FUT8: variants seen among roughly 807,000 people sequenced by gnomAD.
The protein encoded by FUT8 is alpha-(1,6)-fucosyltransferase.
Under a neutral mutation model 71.3 loss-of-function variants are expected in FUT8, and 29 were observed. The observed-to-expected ratio is 0.41, with a 90% CI of 0.30 to 0.55. The LOEUF (loss-of-function observed/expected upper bound fraction) is 0.55. Ranked by LOEUF, FUT8 falls within the 20% of genes least tolerant of loss-of-function variation. The probability of loss-of-function intolerance (pLI) is 0.34; values close to 1 mark genes in which losing one functional copy is unlikely to be tolerated. For synonymous variants in FUT8, 254 were observed against 239.3 expected (o/e 1.06, Z -0.57); for missense variants, 544 against 702.1 (o/e 0.77, Z 2.55).
chr14:65,481,887 C>A (rs546117437), intron 2 of FUT8, among the ~76,000 whole-genome samples: 1 of 151,980 alleles, frequency 6.6e-6, no homozygotes, highest in Non-Finnish European at 1.5e-5. Context: ...TTATAAGATA[C>A]GTGCTTCGCA....
At chr14:65,554,948 T>A (rs1885508442) in intron 2 of FUT8, among the ~76,000 whole-genome samples, 1 of 152,204 alleles carries the variant, frequency 6.6e-6, no homozygotes, top group Admixed American at 6.5e-5. Flanking sequence ...TACTTTTGGA[T>A]TACACTGATC....
chr14:65,631,112 A>T (rs1024200067), intron 6 of FUT8, among the ~76,000 whole-genome samples: 1 of 152,256 alleles, frequency 6.6e-6, no homozygotes. Context: ...TGTCTGCAGA[A>T]TGAGAAACAC....
chr14:65,594,777 A>G (rs1029613344), intron 3 of FUT8, among the ~76,000 whole-genome samples: 3 of 152,012 alleles, frequency 2.0e-5, no homozygotes, highest in African/African-American at 4.8e-5. Context: ...TCTGAAGTCA[A>G]GTTGCCTCAT....
At chr14:65,492,167 AC>A (rs1461297041) in intron 2 of FUT8, among the ~76,000 whole-genome samples, 7 of 152,212 alleles carry the variant, frequency 4.6e-5, no homozygotes, top group African/African-American at 1.4e-4. Flanking sequence ...TGTTTTAAAA[AC>A]CAAAGGTAAG....
At chr14:65,444,176 A>G (rs563454168) in intron 1 of FUT8, among the ~76,000 whole-genome samples, 2 of 152,320 alleles carry the variant, frequency 1.3e-5, no homozygotes, top group African/African-American at 4.8e-5. Context: ...GTTAAATGTA[A>G]TATTTCTTTT....
At position 65,550,694 on chromosome 14, in the gene FUT8, C is replaced by T. The variant is rs1046353167; in HGVS notation, c.-227-10643C>T. Among the ~76,000 whole-genome samples the T allele has an allele frequency of 1.3e-5, 2 of 151,990 alleles. No individual in the cohort carries two copies. The highest frequency in any genetic ancestry group is 2.4e-5 in the African/African-American group (1 of 41,394). On this transcript the variant is annotated intron_variant, in intron 2 of 10. Transcript: ENST00000673929. The surrounding 1 kb of genome is among the most constrained non-coding windows in gnomAD (Gnocchi z 4.5). ...TTCTTTTAAATCCTAGCACATATTT[C>T]GATACTTGTTTCAGCGCTCTTGTCT...
intron 6 of FUT8, among the ~76,000 whole-genome samples, chr14:65,629,861 A>G (rs922978066): frequency 4.3e-5 from 6 of 139,800 alleles, no homozygotes; most frequent in African/African-American, 1.3e-4. Context: ...CACACACAAT[A>G]CAATACAAAT....
chr14:65,611,213 GCGCGCGCGCGCACACACACACA>G lies in FUT8; in HGVS notation c.204-4763_204-4742del, dbSNP rs1888915963. On this transcript the variant is annotated intron_variant, in intron 3 of 10. Coordinates refer to ENST00000673929, the MANE Select transcript of FUT8 (RefSeq NM_001371533.1). The stretch of plus-strand genomic sequence containing the variant: ...CACACACACACGCGCGCGCGCGCGC[GCGCGCGCGCGCACACACACACA>G]CACACACACACACACACACACACAC... Among the ~76,000 whole-genome samples the G allele has an allele frequency of 1.6e-3, 10 of 6,262 alleles. 2 individuals are homozygous for G. The highest frequency in any genetic ancestry group is 2.8e-3 in the Non-Finnish European group (3 of 1,078). The allele number at this position is 6,262 out of a possible 152,430, so 4.1% of individuals were successfully genotyped here. A position where few individuals can be genotyped will look rare whatever the true frequency, so the allele number is the denominator to read the frequency against.
chr14:65,500,045 A>C (rs899897959), intron 2 of FUT8, among the ~76,000 whole-genome samples: 1 of 152,148 alleles, frequency 6.6e-6, no homozygotes, highest in South Asian at 2.1e-4. Flanking sequence ...ATGTTTTTCA[A>C]ACTTTAATGT....
intron 2 of FUT8, among the ~76,000 whole-genome samples, chr14:65,499,236 C>T (rs542266634): frequency 1.3e-5 from 2 of 152,010 alleles, no homozygotes; most frequent in African/African-American, 4.8e-5. Flanking sequence ...TTTTTTTAAC[C>T]AGAGAAGAGC....
chr14:65,478,048 G>A (rs746800042), intron 2 of FUT8, among the ~76,000 whole-genome samples: 31 of 152,056 alleles, frequency 2.0e-4, no homozygotes, highest in Non-Finnish European at 4.0e-4. Flanking sequence ...AATGTTGAGA[G>A]CCCTCTAAGT....
At chr14:65,598,419 C>T (rs988457446) in intron 3 of FUT8, among the ~76,000 whole-genome samples, 9 of 152,120 alleles carry the variant, frequency 5.9e-5, no homozygotes, top group African/African-American at 2.2e-4. Context: ...GACGGGGTTT[C>T]GCCATATTGG....
intron 2 of FUT8, among the ~76,000 whole-genome samples, chr14:65,559,226 C>G (rs959067953): frequency 6.6e-5 from 10 of 151,996 alleles, no homozygotes; most frequent in Non-Finnish European, 1.3e-4. Context: ...TTCTGCGTTA[C>G]TTTTGCAGTG....
intron 2 of FUT8, among the ~76,000 whole-genome samples, chr14:65,556,034 CAGGGCTTTCTATAACTTGCT>C (rs1228589071): frequency 1.3e-5 from 2 of 152,154 alleles, no homozygotes; most frequent in African/African-American, 4.8e-5. Flanking sequence ...ATTCTGTGCC[CAGGGCTTTCTATAACTTGCT>C]AGAGACAGAA....
chr14:65,368,050 C>CTTTTTTTTTTT, the FUT8 span, among the ~76,000 whole-genome samples: 1 of 85,814 alleles, frequency 1.2e-5, no homozygotes, highest in Non-Finnish European at 2.4e-5. Flanking sequence ...GGCAAAATTA[C>CTTTTTTTTTTT]TTTTTTTTTT....
chr14:65,622,083 C>CA (rs1256325549), intron 5 of FUT8, among the ~76,000 whole-genome samples: 1 of 152,226 alleles, frequency 6.6e-6, no homozygotes, highest in Non-Finnish European at 1.5e-5. Flanking sequence ...TCCAGCCTCT[C>CA]AAAGTGCTGG....
intron 2 of FUT8, among the ~76,000 whole-genome samples, chr14:65,509,085 T>G (rs1050757449): frequency 5.3e-5 from 8 of 152,174 alleles, no homozygotes; most frequent in Non-Finnish European, 1.2e-4. Context: ...TAATCAATAT[T>G]TTGATTTGAG....
intron 1 of FUT8, among the ~76,000 whole-genome samples, chr14:65,442,654 G>T (rs1272418818): frequency 6.6e-6 from 1 of 151,820 alleles, no homozygotes; most frequent in East Asian, 1.9e-4. Context: ...GGGCAGCATG[G>T]TGAAATTCTG....
At chr14:65,462,633 A>T (rs1038286666) in intron 2 of FUT8, among the ~76,000 whole-genome samples, 1 of 152,232 alleles carries the variant, frequency 6.6e-6, no homozygotes, top group African/African-American at 2.4e-5. Flanking sequence ...TAAATAGGTC[A>T]CTGTAGTATC....
Sources: allele counts gnomAD v4.1 joint callset (sites outside exome capture counted in the v4.1 genomes callset), GRCh38; gene constraint gnomAD v4.1.1; non-coding constraint Gnocchi (gnomAD v3.1); transcripts MANE v1.5; gene names NCBI Gene and HGNC (gene_info 2026-07-23, HGNC 2026-07-21).